WDFY3: variants seen among roughly 807,000 people sequenced by gnomAD.
The protein encoded by WDFY3 is WD repeat and FYVE domain containing 3.
In WDFY3, 66 loss-of-function variants were observed where a neutral mutation model predicts 409.6. The observed-to-expected ratio is 0.16, with a 90% CI of 0.13 to 0.20. The LOEUF (loss-of-function observed/expected upper bound fraction) is 0.20, where lower values mean the gene tolerates loss of function less well. Among genes scored for constraint, WDFY3 ranks in the 10% least tolerant of loss-of-function variants. The pLI is 1.00. For synonymous variants in WDFY3, 1,521 were observed against 1,537.1 expected, an observed-to-expected ratio of 0.99 and a Z score of 0.25; for missense variants, 3,031 against 4,298.1, an observed-to-expected ratio of 0.71 and a Z score of 8.24.
intron 34 of WDFY3, among the ~76,000 whole-genome samples, chr4:84,754,789 A>C (rs1234516332): frequency 6.6e-6 from 1 of 152,194 alleles, no homozygotes; most frequent in Non-Finnish European, 1.5e-5. Context: ...TTGAAATAAC[A>C]TATTATTGTA....
chr4:84,891,431 T>A (rs952931559), intron 3 of WDFY3, among the ~76,000 whole-genome samples: 14 of 152,272 alleles, frequency 9.2e-5, no homozygotes, highest in Non-Finnish European at 1.9e-4. Context: ...ATTTACAAAT[T>A]AATTTTAATG....
At chr4:84,689,042 G>A (rs144566371) in intron 61 of WDFY3, among the ~76,000 whole-genome samples, 140 of 152,292 alleles carry the variant, frequency 9.2e-4, no homozygotes, top group Middle Eastern at 3.4e-3. Flanking sequence ...AAATATATCC[G>A]CTTAATAATG....
chr4:84,732,960 C>T (rs1198722440), intron 44 of WDFY3, among the ~76,000 whole-genome samples: 4 of 152,202 alleles, frequency 2.6e-5, no homozygotes, highest in African/African-American at 4.8e-5. Context: ...TTCTAATATA[C>T]AGTGCTTATT....
intron 3 of WDFY3, among the ~76,000 whole-genome samples, chr4:84,876,070 T>G (rs533783203): frequency 6.6e-6 from 1 of 152,376 alleles, no homozygotes; most frequent in East Asian, 1.9e-4. Flanking sequence ...ATACTATACA[T>G]AATTGTATGT....
intron 3 of WDFY3, among the ~76,000 whole-genome samples, chr4:84,883,613 T>C (rs1435931664): frequency 6.6e-6 from 1 of 152,176 alleles, no homozygotes; most frequent in African/African-American, 2.4e-5. Flanking sequence ...AAAAGAGTAA[T>C]GCCTTTTATA....
intron 1 of WDFY3, among the ~76,000 whole-genome samples, chr4:84,933,406 T>G (rs1207427177): frequency 6.6e-6 from 1 of 152,076 alleles, no homozygotes; most frequent in Admixed American, 6.6e-5. Context: ...ATTTTTAATT[T>G]TTACCTGTAC....
intron 36 of WDFY3, among the ~76,000 whole-genome samples, chr4:84,744,167 C>T (rs543440246): frequency 1.2e-4 from 18 of 148,846 alleles, no homozygotes; most frequent in African/African-American, 3.7e-4. Flanking sequence ...CAGTTTATAA[C>T]AATATAAACT....
chr4:84,834,613 C>T (rs1050776750), intron 7 of WDFY3, among the ~76,000 whole-genome samples: 14 of 152,066 alleles, frequency 9.2e-5, no homozygotes, highest in East Asian at 3.9e-4. Context: ...ATCGCACCAC[C>T]GCACTCCGGC....
At chr4:84,791,754 T>G (rs1026544625) in intron 21 of WDFY3, among the ~76,000 whole-genome samples, 15 of 152,202 alleles carry the variant, frequency 9.9e-5, no homozygotes, top group Admixed American at 2.0e-4. Context: ...CCAAGTTTCC[T>G]GCTTCATCAG....
chr4:84,926,374 A>G (rs891012443), intron 2 of WDFY3, among the ~76,000 whole-genome samples: 16 of 151,970 alleles, frequency 1.1e-4, no homozygotes, highest in African/African-American at 3.9e-4. Context: ...TCACTTCTTC[A>G]AATGAAAGAA....
rs192952121 is a variant in WDFY3, at chr4:84,830,236, A to G, written c.770-1046T>C. On this transcript the variant is annotated intron_variant, in intron 8 of 67. Transcript: ENST00000295888. ...GTTCTCAACTTGATGATTTGACTTA[A>G]GATGTTTCTACTTTATGATGGTGTG... Among the ~76,000 whole-genome samples the G allele has an allele frequency of 2.6e-5, 4 of 152,350 alleles. No homozygotes were observed. In the East Asian group the frequency reaches 7.7e-4, roughly 29 times the overall value.
chr4:84,839,104 T>C (rs1578756986), intron 6 of WDFY3, among the ~76,000 whole-genome samples: 2 of 152,242 alleles, frequency 1.3e-5, no homozygotes, highest in Non-Finnish European at 2.9e-5. Context: ...TGTTTCATTT[T>C]CATTTATTGT....
rs184224788 is a variant in WDFY3 at position 84,753,851 on chromosome 4, G to C, written c.5585C>G (p.Ser1862Cys). The C allele has an allele frequency of 2.0e-5, 32 of 1,603,160 alleles. No individual in the cohort carries two copies. The highest frequency in any genetic ancestry group is 5.2e-5 in the Admixed American group (3 of 57,524). The change falls in exon 35 of 68, where the codon TCT (serine) becomes TGT (cysteine). Residue 1862 changes from serine (S) to cysteine (C), a missense_variant. Physicochemically the swap from Ser to Cys is moderately radical, Grantham distance 112. Transcript: ENST00000295888. ...GGTCACAGGATATTCTCGGAGCCAA[G>C]ATCCCTCTTCTTCTGATTGCCAAGG... The part of the protein sequence containing the change: ...TSPWQSEEEG[S>C]WLREYPVTLM...
rs376947277 is a variant in WDFY3 at position 84,670,121 on chromosome 4, G to A, written c.*2747C>T. On this transcript the variant is annotated 3_prime_UTR_variant, in exon 68 of 68. Transcript: ENST00000295888. ...GTGTTTTGCTATTATCCAGACGGAT[G>A]GCTGCTATGGGCAGCTATTCTCTTC... 9 of 152,724 alleles carry A rather than the reference G, an allele frequency of 5.9e-5. No individual in the cohort carries two copies. The East Asian group carries it at 1.5e-3, about 26-fold the overall frequency. 9.5% of individuals were successfully genotyped at this position (152,724 alleles called of 1,614,324 possible).
intron 6 of WDFY3, among the ~76,000 whole-genome samples, chr4:84,840,675 T>G (rs1418734631): frequency 6.6e-6 from 1 of 152,030 alleles, no homozygotes; most frequent in Non-Finnish European, 1.5e-5. Context: ...CCTCCCAGGC[T>G]CAAGCAATCC....
At chr4:84,677,143 T>C in intron 67 of WDFY3, 56 bp downstream of exon 67, 1 of 1,597,918 alleles carries the variant, frequency 6.3e-7, no homozygotes, top group Admixed American at 1.7e-5. Flanking sequence ...CAGGACATAA[T>C]TAACAACCTT....
intron 5 of WDFY3, chr4:84,844,481 C>G (rs1757807300): frequency 4.7e-6 from 6 of 1,289,484 alleles, no homozygotes; most frequent in Middle Eastern, 2.1e-4. Context: ...CTTTGAAATC[C>G]TTGGGGGACA....
chr4:84,910,360 C>T (rs1432488375), intron 2 of WDFY3, among the ~76,000 whole-genome samples: 1 of 151,814 alleles, frequency 6.6e-6, no homozygotes, highest in Non-Finnish European at 1.5e-5. Flanking sequence ...TTTAAAGGCA[C>T]ACATTAATGG....
At chr4:84,726,589 T>G (rs954042498) in intron 45 of WDFY3, among the ~76,000 whole-genome samples, 1 of 152,076 alleles carries the variant, frequency 6.6e-6, no homozygotes, top group Non-Finnish European at 1.5e-5. Flanking sequence ...GCAAAAGATG[T>G]TTTTATAGTG....
Sources: gnomAD v4.1 joint callset for allele counts (sites outside exome capture counted in the v4.1 genomes callset) on GRCh38, gnomAD v4.1.1 for gene constraint, MANE v1.5 for transcripts, NCBI Gene and HGNC (gene_info 2026-07-23, HGNC 2026-07-21) for gene names.